The following NRG3 variants were observed in gnomAD, a reference collection of about 807,000 sequenced individuals.
NRG3 encodes the protein neuregulin 3.
NRG3 carries 31 observed loss-of-function variants against 66.9 expected under a neutral mutation model. That is an observed-to-expected ratio of 0.46 (90% CI 0.35 to 0.63). The LOEUF is 0.63. Ranked by LOEUF, NRG3 falls within the 20% of genes least tolerant of loss-of-function variation. NRG3 has a pLI of 0.00. For missense variants in NRG3, 910 were observed against 878.9 expected (o/e 1.04, Z -0.45); for synonymous variants, 393 against 359.4 (o/e 1.09, Z -1.06).
At position 82,616,453 on chromosome 10, in the gene NRG3, T is replaced by G. The variant is rs373444811; in HGVS notation, c.954-122124T>G. ...TGCTGCTTTTGGCTAGAGGTAATGG[T>G]GTAAGCACTTTTTCCTGCCTTGTTA... On this transcript the variant is annotated intron_variant, in intron 2 of 8. Transcript: ENST00000372141. Among the ~76,000 whole-genome samples the G allele has an allele frequency of 7.9e-5, 12 of 152,300 alleles. No individual in the cohort carries two copies. The South Asian group carries it at 1.4e-3, about 18-fold the overall frequency.
intron 1 of NRG3, among the ~76,000 whole-genome samples, chr10:82,164,648 A>T (rs954941596): frequency 6.6e-6 from 1 of 152,104 alleles, no homozygotes; most frequent in African/African-American, 2.4e-5. Context: ...CAGGGGGGAG[A>T]TTTGGAGTCA....
chr10:82,077,330 C>A lies in NRG3; in HGVS notation c.823+201167C>A, dbSNP rs1354790479. On this transcript the variant is annotated intron_variant, in intron 1 of 8. Transcript: ENST00000372141. ...ATCTTTGAATTAAGTTATTAATTAC[C>A]CTTAATTAAATTCATTTTAAATGGT... 3.9e-5 allele frequency among the ~76,000 whole-genome samples: 6 copies of A among 152,106 alleles called. No homozygotes were observed. The East Asian group carries it at 1.2e-3, about 29-fold the overall frequency.
At chr10:82,125,019 T>C (rs2068343163) in intron 1 of NRG3, among the ~76,000 whole-genome samples, 1 of 152,056 alleles carries the variant, frequency 6.6e-6, no homozygotes, top group Admixed American at 6.6e-5. Flanking sequence ...CTGTATATTC[T>C]CAATATTCAT....
chr10:82,402,209 A>G (rs1051984513), intron 2 of NRG3, among the ~76,000 whole-genome samples: 7 of 152,076 alleles, frequency 4.6e-5, no homozygotes, highest in Non-Finnish European at 1.0e-4. Flanking sequence ...TTAATTAAGA[A>G]TACTATTTAT....
intron 2 of NRG3, among the ~76,000 whole-genome samples, chr10:82,701,690 T>C (rs544756783): frequency 1.3e-5 from 2 of 152,324 alleles, no homozygotes; most frequent in East Asian, 3.9e-4. Flanking sequence ...GTAGCGTTAA[T>C]GTTATTTCTT....
chr10:82,331,469 G>C (rs903513927), intron 1 of NRG3, among the ~76,000 whole-genome samples: 2 of 152,086 alleles, frequency 1.3e-5, no homozygotes, highest in African/African-American at 4.8e-5. Context: ...TGGAATTTCA[G>C]TTCAATTTCA....
intron 1 of NRG3, among the ~76,000 whole-genome samples, chr10:82,036,332 A>G (rs1449668101): frequency 6.6e-6 from 1 of 152,118 alleles, no homozygotes. Context: ...AAAGAGTCCT[A>G]GTTCTAGGCC....
intron 2 of NRG3, among the ~76,000 whole-genome samples, chr10:82,475,771 T>C (rs939668587): frequency 6.6e-6 from 1 of 152,142 alleles, no homozygotes; most frequent in Non-Finnish European, 1.5e-5. Context: ...CTTCATGACA[T>C]TGGATCTGGC....
chr10:82,967,378 C>A (rs914665648), intron 6 of NRG3, among the ~76,000 whole-genome samples: 2 of 152,048 alleles, frequency 1.3e-5, no homozygotes, highest in Non-Finnish European at 2.9e-5. Flanking sequence ...ACCCTCCTCC[C>A]GTTGCTTATT....
intron 1 of NRG3, chr10:82,225,388 G>A (rs1338948948): frequency 6.6e-6 from 1 of 152,158 alleles, no homozygotes; most frequent in African/African-American, 2.4e-5. Flanking sequence ...TATTTCTCAT[G>A]CACATAGCAC....
At chr10:82,378,047 T>C (rs1284937698) in intron 2 of NRG3, among the ~76,000 whole-genome samples, 3 of 152,214 alleles carry the variant, frequency 2.0e-5, no homozygotes, top group Admixed American at 6.5e-5. Context: ...TTTCAGTCAC[T>C]AAGGATAGGT....
intron 2 of NRG3, among the ~76,000 whole-genome samples, chr10:82,576,908 C>A (rs2046063777): frequency 6.6e-6 from 1 of 151,792 alleles, no homozygotes; most frequent in African/African-American, 2.4e-5. Flanking sequence ...ATTTGCTCAT[C>A]ATCAGCTTCC....
At chr10:81,877,664 C>T (rs1841796844) in intron 1 of NRG3, 1 of 1,254,982 alleles carries the variant, frequency 8.0e-7, no homozygotes, top group East Asian at 3.7e-5. Context: ...TGGAAAAAAC[C>T]GTCTAGAAGA....
intron 1 of NRG3, among the ~76,000 whole-genome samples, chr10:81,905,627 C>T (rs1844529716): frequency 6.6e-6 from 1 of 152,158 alleles, no homozygotes; most frequent in Non-Finnish European, 1.5e-5. Context: ...GTACTTTTGT[C>T]ATAATTTTTG....
At chr10:82,820,791 A>C (rs2061917977) in intron 3 of NRG3, among the ~76,000 whole-genome samples, 1 of 152,078 alleles carries the variant, frequency 6.6e-6, no homozygotes, top group Non-Finnish European at 1.5e-5. Flanking sequence ...CAGAACATCA[A>C]CTCTTAGCAT....
At chr10:82,771,533 G>A (rs990580604) in intron 3 of NRG3, among the ~76,000 whole-genome samples, 2 of 152,082 alleles carry the variant, frequency 1.3e-5, no homozygotes, top group Non-Finnish European at 2.9e-5. Flanking sequence ...TCAGAAGTGT[G>A]GCAATCTGTT....
intron 3 of NRG3, among the ~76,000 whole-genome samples, chr10:82,825,350 G>A (rs1300934046): frequency 6.6e-6 from 1 of 151,882 alleles, no homozygotes; most frequent in East Asian, 1.9e-4. Flanking sequence ...TTTTTCCTTT[G>A]TGCAGTTCTG....
intron 3 of NRG3, among the ~76,000 whole-genome samples, chr10:82,766,339 A>G (rs2059511514): frequency 6.6e-6 from 1 of 152,156 alleles, no homozygotes; most frequent in African/African-American, 2.4e-5. Context: ...GACATGTGAT[A>G]CAGACAATGA....
At chr10:82,355,848 A>G (rs993853930) in intron 1 of NRG3, among the ~76,000 whole-genome samples, 64 of 152,314 alleles carry the variant, frequency 4.2e-4, no homozygotes, top group African/African-American at 1.4e-3. Context: ...ATGTATTGAT[A>G]ATTGCAGTTA....
Sources: allele counts gnomAD v4.1 joint callset (sites outside exome capture counted in the v4.1 genomes callset), GRCh38; gene constraint gnomAD v4.1.1; transcripts MANE v1.5; gene names NCBI Gene and HGNC (gene_info 2026-07-23, HGNC 2026-07-21).